ZNF723: variants seen among roughly 807,000 people sequenced by gnomAD.
The protein encoded by ZNF723 is zinc finger protein 723, also known as zinc finger protein 723, pseudogene.
ZNF723 carries 5 observed loss-of-function variants against 9.4 expected under a neutral mutation model. The observed-to-expected ratio is 0.53, with a 90% confidence interval of 0.28 to 1.12. ZNF723 has a LOEUF of 1.12. ZNF723 is among the 50% of genes most tolerant of loss of function. The pLI is 0.10. For synonymous variants in ZNF723, 158 were observed against 168.8 expected, an observed-to-expected ratio of 0.94 and a Z score of 0.49; for missense variants, 450 against 501.5, an observed-to-expected ratio of 0.90 and a Z score of 0.98.
At chr19:22,814,666 A>T in the ZNF723 span, among the ~76,000 whole-genome samples, 3 of 152,182 alleles carry the variant, frequency 2.0e-5, no homozygotes, top group Admixed American at 2.0e-4. Context: ...TAGAACCAGG[A>T]CATGTGTGGG....
Position 22,858,385 on chromosome 19 carries a change from A to G in ZNF723, c.1494A>G (p.Arg498=), listed in dbSNP as rs1967515631. ...KAFNKSSILN[R]HKIIHTKEKS... is the part of the protein sequence containing the mutation. Reference sequence around the variant, plus strand: ...TTAACAAGTCCTCAATTCTTAACAGACATAAGATAATTCATACTAAAGAGA... The same window carrying G: ...TTAACAAGTCCTCAATTCTTAACAGGCATAAGATAATTCATACTAAAGAGA... Residue 498 remains arginine, a synonymous_variant, in exon 4 of 4, where the codon AGA becomes AGG. Coordinates refer to ENST00000600766, the MANE Select transcript of ZNF723 (RefSeq NM_001349726.2). The G allele has an allele frequency of 1.2e-6, 1 of 818,122 alleles. No homozygotes were observed. The highest frequency in any genetic ancestry group is 2.6e-5 in the East Asian group (1 of 38,912). The allele number at this position is 818,122 out of a possible 1,614,324, so 50.7% of individuals were successfully genotyped here.
At chr19:22,822,607 A>G in the ZNF723 span, among the ~76,000 whole-genome samples, 1 of 152,170 alleles carries the variant, frequency 6.6e-6, no homozygotes, top group Non-Finnish European at 1.5e-5. Context: ...GCATGCCTGT[A>G]ATTCCATCAG....
chr19:22,832,237 C>A, upstream of ZNF723: 1 of 925,192 alleles, frequency 1.1e-6, no homozygotes, highest in Admixed American at 2.5e-5. Flanking sequence ...TAAGAGCCGT[C>A]CAATCAGACC....
chr19:22,827,028 T>C, the ZNF723 span, among the ~76,000 whole-genome samples: 1 of 152,220 alleles, frequency 6.6e-6, no homozygotes, highest in African/African-American at 2.4e-5. Flanking sequence ...CCATTACTCT[T>C]CTGAATGGGC....
In ZNF723 at chr19:22,854,787, C is replaced by T. The variant is rs149628020; in HGVS notation, c.227-2331C>T. Among the ~76,000 whole-genome samples, 1,050 of 152,176 alleles carry T rather than the reference C, an allele frequency of 6.9e-3. 12 individuals are homozygous for T. The highest frequency in any genetic ancestry group is 0.023 in the African/African-American group (959 of 41,530). On this transcript the variant is annotated intron_variant, in intron 3 of 3. Transcript: ENST00000600766. Reference sequence around the variant, plus strand: ...CTTTGGCTGTGCTTGGTGGTTTACACCTGTAATCCCATCACTTTGGGAGGC... The same window carrying T: ...CTTTGGCTGTGCTTGGTGGTTTACATCTGTAATCCCATCACTTTGGGAGGC...
intron 1 of ZNF723, among the ~76,000 whole-genome samples, chr19:22,841,202 G>A (rs1967241077): frequency 6.6e-6 from 1 of 152,206 alleles, no homozygotes; most frequent in African/African-American, 2.4e-5. Flanking sequence ...CAGGCACTTG[G>A]CTTCATGTTG....
intron 1 of ZNF723, chr19:22,841,040 T>A (rs1275356627): frequency 6.6e-6 from 1 of 152,270 alleles, no homozygotes; most frequent in Admixed American, 6.6e-5. Flanking sequence ...ATAGTAGGCG[T>A]CAAGAGAGGA....
At chr19:22,841,945 CAG>C (rs2145214579) in intron 1 of ZNF723, among the ~76,000 whole-genome samples, 1 of 152,278 alleles carries the variant, frequency 6.6e-6, no homozygotes, top group Non-Finnish European at 1.5e-5. Context: ...TTGTCAAACT[CAG>C]AGAGACATTA....
At chr19:22,853,375 A>G (rs983081908) in intron 3 of ZNF723, among the ~76,000 whole-genome samples, 1 of 152,132 alleles carries the variant, frequency 6.6e-6, no homozygotes, top group Non-Finnish European at 1.5e-5. Context: ...TTAGTTAAAT[A>G]TCATTAAATC....
At chr19:22,822,118 A>G in the ZNF723 span, among the ~76,000 whole-genome samples, 1 of 152,214 alleles carries the variant, frequency 6.6e-6, no homozygotes, top group Non-Finnish European at 1.5e-5. Flanking sequence ...CTCAAAAAAA[A>G]TTATGCATAC....
At chr19:22,836,147 G>A (rs945534110) in intron 1 of ZNF723, among the ~76,000 whole-genome samples, 6 of 152,232 alleles carry the variant, frequency 3.9e-5, no homozygotes, top group Non-Finnish European at 7.4e-5. Context: ...TAAAGGCACC[G>A]TTAGTTCTTC....
At chr19:22,812,710 C>T in the ZNF723 span, among the ~76,000 whole-genome samples, 2 of 152,250 alleles carry the variant, frequency 1.3e-5, no homozygotes, top group South Asian at 4.1e-4. Flanking sequence ...TGAACACAGC[C>T]CACTGTTGAG....
rs1967517377 is a variant in ZNF723 at position 22,858,460 on chromosome 19, T to C, written c.*27T>C. The C allele has an allele frequency of 1.6e-6, 1 of 640,754 alleles. No homozygotes were observed. The highest frequency in any genetic ancestry group is 2.7e-6 in the Non-Finnish European group (1 of 373,372). 39.7% of individuals were successfully genotyped at this position (640,754 alleles called of 1,614,324 possible). A position where few individuals can be genotyped will look rare whatever the true frequency, so the allele number is the denominator to read the frequency against. On this transcript the variant is annotated 3_prime_UTR_variant, in exon 4 of 4. Transcript: ENST00000600766. Reference sequence around the variant, plus strand: ...AATGCTTTTTATGAAATCCCAAACTTTTTTAAACATAAAAGAAATGCTGGT... The same window carrying C: ...AATGCTTTTTATGAAATCCCAAACTCTTTTAAACATAAAAGAAATGCTGGT...
At chr19:22,818,629 T>C in the ZNF723 span, among the ~76,000 whole-genome samples, 1 of 152,234 alleles carries the variant, frequency 6.6e-6, no homozygotes, top group Non-Finnish European at 1.5e-5. Context: ...GTCATATCTA[T>C]GGACTTTCTT....
chr19:22,835,042 G>A (rs1459158972), intron 1 of ZNF723, among the ~76,000 whole-genome samples: 1 of 145,252 alleles, frequency 6.9e-6, no homozygotes, highest in African/African-American at 2.5e-5. Context: ...ACACATCTGT[G>A]TGTGTGATTT....
At chr19:22,843,351 CT>C (rs1229794596) in intron 1 of ZNF723, among the ~76,000 whole-genome samples, 3 of 152,106 alleles carry the variant, frequency 2.0e-5, no homozygotes, top group African/African-American at 7.2e-5. Flanking sequence ...GTTAATTCTG[CT>C]TCTATCTCAG....
intron 1 of ZNF723, among the ~76,000 whole-genome samples, chr19:22,842,600 A>G (rs1391304785): frequency 2.0e-5 from 3 of 152,230 alleles, no homozygotes; most frequent in African/African-American, 7.2e-5. Flanking sequence ...TACAATCCTC[A>G]AGCTTTGCCC....
upstream of ZNF723, among the ~76,000 whole-genome samples, chr19:22,831,856 C>A (rs571934011): frequency 6.6e-6 from 1 of 151,528 alleles, no homozygotes; most frequent in East Asian, 1.9e-4. Context: ...TGCAGTGAGC[C>A]GAGATCGTGC....
At chr19:22,822,531 A>T in the ZNF723 span, among the ~76,000 whole-genome samples, 3 of 152,208 alleles carry the variant, frequency 2.0e-5, no homozygotes, top group African/African-American at 7.2e-5. Context: ...TTCCAATGGT[A>T]CAGAGAGTGT....
Sources: gnomAD v4.1 joint callset for allele counts (sites outside exome capture counted in the v4.1 genomes callset) on GRCh38, gnomAD v4.1.1 for gene constraint, MANE v1.5 for transcripts, NCBI Gene and HGNC (gene_info 2026-07-23, HGNC 2026-07-21) for gene names.